The following SCAF8 variants were observed in gnomAD, a reference collection of about 807,000 sequenced individuals.
The protein encoded by SCAF8 is SR-related CTD associated factor 8, also known as SR-related and CTD-associated factor 8.
Under a neutral mutation model 140.5 loss-of-function variants are expected in SCAF8, and 23 were observed. The ratio of observed to expected loss-of-function variants is 0.16; its 90% confidence interval spans 0.12 to 0.23. SCAF8 has a LOEUF of 0.23. Ranked by LOEUF, SCAF8 falls within the 10% of genes least tolerant of loss-of-function variation. The pLI is 1.00. For missense variants in SCAF8, 1,397 were observed against 1,555.7 expected, an observed-to-expected ratio of 0.90 and a Z score of 1.72; for synonymous variants, 575 against 528.9, an observed-to-expected ratio of 1.09 and a Z score of -1.20.
intron 12 of SCAF8, among the ~76,000 whole-genome samples, chr6:154,814,050 T>C (rs918377696): frequency 2.0e-5 from 3 of 152,240 alleles, no homozygotes; most frequent in African/African-American, 4.8e-5. Flanking sequence ...TAAAAAACTG[T>C]TACAAGGCTA....
chr6:154,784,118 GAGATATATATATAT>G (rs1315717139), intron 3 of SCAF8, among the ~76,000 whole-genome samples: 1 of 58,386 alleles, frequency 1.7e-5, no homozygotes, highest in African/African-American at 6.9e-5. Context: ...CTGGTGTCTT[GAGATATATATATAT>G]ATATATATAT....
chr6:154,736,899 T>C (rs913594549), intron 1 of SCAF8, among the ~76,000 whole-genome samples: 2 of 152,160 alleles, frequency 1.3e-5, no homozygotes, highest in African/African-American at 4.8e-5. Flanking sequence ...TGGAGTTAGC[T>C]TAAAAATAGC....
rs147776675 is a variant in SCAF8 at position 154,785,925 on chromosome 6, T to G, written c.160-1936T>G. ...TAGAATATAGTTGAAAAATGGTATA[T>G]CTATAAAAACTTAATGTGATACGCT... On this transcript the variant is annotated intron_variant, in intron 3 of 19. Coordinates refer to ENST00000367178, the MANE Select transcript of SCAF8 (RefSeq NM_014892.5). 2.9e-3 allele frequency among the ~76,000 whole-genome samples: 449 copies of G among 152,318 alleles called. 4 individuals carry two copies. The highest frequency in any genetic ancestry group is 0.011 in the African/African-American group (437 of 41,576).
At chr6:154,746,774 G>A (rs958499403) in intron 1 of SCAF8, among the ~76,000 whole-genome samples, 7 of 152,058 alleles carry the variant, frequency 4.6e-5, no homozygotes, top group Non-Finnish European at 7.4e-5. Flanking sequence ...ACTTAAAGTG[G>A]TTTTGCTATT....
intron 1 of SCAF8, among the ~76,000 whole-genome samples, chr6:154,764,440 G>A (rs985613188): frequency 3.3e-5 from 5 of 152,140 alleles, no homozygotes; most frequent in African/African-American, 9.7e-5. Context: ...AAAGGGTTTC[G>A]TCATTTGACA....
chr6:154,765,069 CTT>C (rs1227642189), intron 1 of SCAF8, among the ~76,000 whole-genome samples: 6 of 152,140 alleles, frequency 3.9e-5, no homozygotes, highest in Admixed American at 3.9e-4. Context: ...AATATAGTCT[CTT>C]TATGTACATT....
chr6:154,795,802 T>A (rs1777584408), intron 6 of SCAF8, among the ~76,000 whole-genome samples: 1 of 152,206 alleles, frequency 6.6e-6, no homozygotes, highest in African/African-American at 2.4e-5. Context: ...TGGGAAGGAT[T>A]GCTGTCTTTA....
intron 1 of SCAF8, among the ~76,000 whole-genome samples, chr6:154,766,669 C>CT (rs56995922): frequency 0.19 from 15,567 of 82,070 alleles, 1,925 homozygotes; most frequent in South Asian, 0.27. Flanking sequence ...ACCCCCCCCC[C>CT]TTTTTTTTTT....
intron 3 of SCAF8, among the ~76,000 whole-genome samples, chr6:154,778,761 C>T (rs1776988615): frequency 1.4e-5 from 2 of 140,438 alleles, no homozygotes; most frequent in Admixed American, 1.4e-4. Flanking sequence ...GAGACCCTGT[C>T]TCAAAAAATG....
At position 154,795,077 on chromosome 6, in the gene SCAF8, A is replaced by G; in HGVS notation, c.544A>G (p.Ile182Val). The change falls in exon 6 of 20, where the codon ATA (isoleucine) becomes GTA (valine). Residue 182 changes from isoleucine to valine, a missense_variant. This residue lies in a region of SCAF8 where 339 missense variants were observed against 407.5 expected (regional missense o/e 0.83). Transcript: ENST00000367178. Reference sequence around the variant, plus strand: ...CTTACCTGATCCGTGGGTATCTCAGATAACAAATACAGATACACTTGCGGC... The same window carrying G: ...CTTACCTGATCCGTGGGTATCTCAGGTAACAAATACAGATACACTTGCGGC... ...QGLPDPWVSQ[I>V]TNTDTLAAVA... The G allele has an allele frequency of 6.2e-7, 1 of 1,613,762 alleles. No homozygotes were observed. Among genetic ancestry groups the G allele is most frequent in the South Asian group, 1.1e-5 (1 of 91,036 alleles).
At position 154,805,458 on chromosome 6, in the gene SCAF8, A is replaced by G. The variant is rs769312339; in HGVS notation, c.953A>G (p.Gln318Arg). 1.2e-6 allele frequency: 2 copies of G among 1,608,452 alleles called. No individual in the cohort carries two copies. Among genetic ancestry groups the G allele is most frequent in the Non-Finnish European group, 1.7e-6 (2 of 1,175,842 alleles). The stretch of plus-strand genomic sequence containing the variant: ...CAAAACCTAGAACATCTCAGACAGC[A>G]GCTCTTGGAGCAGCAACAGCCTCAA... ...QQQNLEHLRQQLLEQQQPQKA... is the reference protein window; with the variant it reads ...QQQNLEHLRQRLLEQQQPQKA... The change falls in exon 9 of 20, where the codon CAG (glutamine) becomes CGG (arginine). Residue 318 changes from glutamine to arginine, a missense_variant. Physicochemically the swap from Gln to Arg is conservative, Grantham distance 43. Around this residue, in one of 5 missense-constraint regions of SCAF8, gnomAD observed 339 missense variants for 407.5 expected, o/e 0.83. Coordinates refer to ENST00000367178, the MANE Select transcript of SCAF8 (RefSeq NM_014892.5).
Position 154,800,293 on chromosome 6 carries a change from C to G in SCAF8, c.607-1678C>G, listed in dbSNP as rs56199327. Among the ~76,000 whole-genome samples, 883 of 151,380 alleles carry G rather than the reference C, an allele frequency of 5.8e-3. 16 individuals are homozygous for G. The highest frequency in any genetic ancestry group is 0.02 in the African/African-American group (841 of 41,444). ...TTGTTGACAGCTGCCTGTCCAATGTCTAGGTTGTAGATGGTGTTCAATATG... is the reference window on the plus strand; with the variant it reads ...TTGTTGACAGCTGCCTGTCCAATGTGTAGGTTGTAGATGGTGTTCAATATG... On this transcript the variant is annotated intron_variant, in intron 6 of 19. Transcript: ENST00000367178.
At chr6:154,805,070 T>C (rs1777873683) in intron 8 of SCAF8, among the ~76,000 whole-genome samples, 1 of 152,156 alleles carries the variant, frequency 6.6e-6, no homozygotes, top group African/African-American at 2.4e-5. Context: ...TTTCTTAATA[T>C]GCTCTAATGA....
intron 2 of SCAF8, 132 bp downstream of exon 2, chr6:154,774,204 C>G: frequency 1.5e-6 from 1 of 645,764 alleles, no homozygotes; most frequent in Non-Finnish European, 2.7e-6. Context: ...TGGAAAAACA[C>G]AAAAAAGAAA....
Position 154,833,028 on chromosome 6 carries a change from A to T in SCAF8, c.3449A>T (p.Asp1150Val). ...GGACAAGAAGTTCACAGAGATTTTG[A>T]TGACCGCAGAAGACCCTGGGAGAGG... ...GFGQEVHRDF[D>V]DRRRPWERQR... The change falls in exon 20 of 20, where the codon GAT (aspartate) becomes GTT (valine). Residue 1150 changes from aspartate (D) to valine (V), a missense_variant. Physicochemically the swap from Asp to Val is radical, Grantham distance 152 (BLOSUM62 -3). This residue lies in a region of SCAF8 where 930 missense variants were observed against 874.6 expected (regional missense o/e 1.06). Coordinates refer to ENST00000367178, the MANE Select transcript of SCAF8 (RefSeq NM_014892.5). 1 of 1,614,164 alleles carries T rather than the reference A, an allele frequency of 6.2e-7. No individual in the cohort carries two copies. Among genetic ancestry groups the T allele is most frequent in the Non-Finnish European group, 8.5e-7 (1 of 1,180,024 alleles).
intron 1 of SCAF8, 105 bp from the exon 2 acceptor site, chr6:154,773,884 G>A: frequency 1.3e-6 from 1 of 752,304 alleles, no homozygotes; most frequent in Middle Eastern, 2.9e-4. Context: ...TAAAAGAAAA[G>A]CAGTATGTTG....
rs773415796 is a variant in SCAF8 at position 154,833,392 on chromosome 6, A to G, written c.3813A>G (p.Thr1271=). ...TAGAAAGCACAGAAACTGAGGGGAC[A>G]TAATCATCACTCAGTAGGTAAAAGA... is the stretch of plus-strand genomic sequence containing the variant. ...PVVESTETEG[T] Residue 1271 remains threonine (T), a synonymous_variant, in exon 20 of 20, where the codon ACA becomes ACG. Coordinates refer to ENST00000367178, the MANE Select transcript of SCAF8 (RefSeq NM_014892.5). 1 of 1,611,952 alleles carries G rather than the reference A, an allele frequency of 6.2e-7. No individual in the cohort carries two copies. Among genetic ancestry groups the G allele is most frequent in the Admixed American group, 1.7e-5 (1 of 59,686 alleles).
At chr6:154,823,749 G>A (rs773682644) in intron 16 of SCAF8, among the ~76,000 whole-genome samples, 21 of 152,204 alleles carry the variant, frequency 1.4e-4, no homozygotes, top group Non-Finnish European at 1.5e-5. Flanking sequence ...GACACTTGAT[G>A]TAATGTGAAA....
chr6:154,734,272 C>T (rs944466049), intron 1 of SCAF8, among the ~76,000 whole-genome samples: 1 of 152,218 alleles, frequency 6.6e-6, no homozygotes, highest in Non-Finnish European at 1.5e-5. Flanking sequence ...CTGGCCCGCC[C>T]ACCTCCTTCC....
Sources: allele counts gnomAD v4.1 joint callset (sites outside exome capture counted in the v4.1 genomes callset), GRCh38; gene constraint gnomAD v4.1.1; regional missense constraint gnomAD v4.1.1; transcripts MANE v1.5; gene names NCBI Gene and HGNC (gene_info 2026-07-23, HGNC 2026-07-21).